The following KHDRBS2 variants were observed in gnomAD, a reference collection of about 807,000 sequenced individuals.
KHDRBS2 encodes the protein KH RNA binding domain containing, signal transduction associated 2, also known as KH domain-containing, RNA-binding, signal transduction-associated protein 2.
KHDRBS2 carries 26 observed loss-of-function variants against 44.3 expected under a neutral mutation model. The observed-to-expected ratio is 0.59, with a 90% CI of 0.43 to 0.81. KHDRBS2 has a LOEUF of 0.81. KHDRBS2 is among the 40% of genes least tolerant of loss of function. The pLI is 0.00. For missense variants in KHDRBS2, 476 were observed against 433.1 expected, an observed-to-expected ratio of 1.10 and a Z score of -0.88; for synonymous variants, 194 against 151.1, an observed-to-expected ratio of 1.28 and a Z score of -2.08.
chr6:61,863,219 T>C (rs1254081574), intron 6 of KHDRBS2, among the ~76,000 whole-genome samples: 1 of 151,386 alleles, frequency 6.6e-6, no homozygotes. Context: ...CCTTATTTTT[T>C]CAAAAAACCA....
the KHDRBS2 span, among the ~76,000 whole-genome samples, chr6:61,598,825 C>CTTTTT: frequency 1.8e-5 from 1 of 56,500 alleles, no homozygotes. Context: ...GTAGAGTGTC[C>CTTTTT]TTTTTTCTTT....
chr6:62,065,132 A>T (rs1419039091), intron 2 of KHDRBS2, among the ~76,000 whole-genome samples: 1 of 151,024 alleles, frequency 6.6e-6, no homozygotes, highest in Non-Finnish European at 1.5e-5. Context: ...GTCAGGAAAC[A>T]ACAGGTGCTG....
In KHDRBS2 at chr6:62,177,281, T is replaced by C. The variant is rs1821326280; in HGVS notation, c.123A>G (p.Lys41=). The C allele has an allele frequency of 1.2e-6, 2 of 1,601,008 alleles. No individual in the cohort carries two copies. Among genetic ancestry groups the C allele is most frequent in the Non-Finnish European group, 1.7e-6 (2 of 1,171,318 alleles). ...GATACTTCTTTTCTTCGTCTTCCTT[T>C]TTTCCATCAGAACCTTGAAACTTTT... The part of the protein sequence containing the change: ...EIEKFQGSDG[K]KEDEEKKYLD... Residue 41 remains lysine (K), a synonymous_variant, in exon 2 of 9, where the codon AAA becomes AAG. Coordinates refer to ENST00000281156, the MANE Select transcript of KHDRBS2 (RefSeq NM_152688.4).
chr6:61,653,090 A>G, the KHDRBS2 span, among the ~76,000 whole-genome samples: 3 of 152,088 alleles, frequency 2.0e-5, no homozygotes, highest in Non-Finnish European at 4.4e-5. Context: ...CATGGCATTT[A>G]CTTAATTGAT....
chr6:61,798,486 T>C (rs1785741762), intron 6 of KHDRBS2, among the ~76,000 whole-genome samples: 1 of 152,150 alleles, frequency 6.6e-6, no homozygotes, highest in African/African-American at 2.4e-5. Flanking sequence ...TAAAGAATAC[T>C]ATGGTTAGTT....
intron 2 of KHDRBS2, among the ~76,000 whole-genome samples, chr6:62,091,985 C>G (rs1241004562): frequency 6.6e-6 from 1 of 152,034 alleles, no homozygotes; most frequent in African/African-American, 2.4e-5. Context: ...GTGGATGCAC[C>G]AAGTTGGGTT....
rs111522582 is a variant in KHDRBS2 at position 61,742,560 on chromosome 6, C to A, written c.811-9796G>T. Among the ~76,000 whole-genome samples, 207 of 152,058 alleles carry A rather than the reference C, an allele frequency of 1.4e-3. 1 individual carries two copies. The highest frequency in any genetic ancestry group is 4.8e-3 in the African/African-American group (201 of 41,522). On this transcript the variant is annotated intron_variant, in intron 6 of 8. Coordinates refer to ENST00000281156, the MANE Select transcript of KHDRBS2 (RefSeq NM_152688.4). ...TCTCTGATATTGAATAGATGAACTT[C>A]TGATAAAATAAGAAATATTTTAATA... is the stretch of plus-strand genomic sequence containing the variant.
intron 1 of KHDRBS2, among the ~76,000 whole-genome samples, chr6:62,197,008 A>G (rs954844265): frequency 2.0e-4 from 31 of 152,206 alleles, no homozygotes; most frequent in African/African-American, 7.2e-4. Context: ...ACTGCAGTAT[A>G]AAAATCACAG....
At chr6:61,948,360 T>G (rs1188881005) in intron 4 of KHDRBS2, among the ~76,000 whole-genome samples, 1 of 152,136 alleles carries the variant, frequency 6.6e-6, no homozygotes, top group Non-Finnish European at 1.5e-5. Flanking sequence ...TTGAAAACGA[T>G]TTAAAATCCA....
intron 6 of KHDRBS2, among the ~76,000 whole-genome samples, chr6:61,889,487 T>TCC (rs1801480253): frequency 2.0e-5 from 3 of 151,708 alleles, no homozygotes; most frequent in Admixed American, 6.6e-5. Flanking sequence ...ATTCCTTTAC[T>TCC]CCTCTCTCTT....
chr6:62,134,165 G>GA (rs1436477951), intron 2 of KHDRBS2, among the ~76,000 whole-genome samples: 2 of 152,110 alleles, frequency 1.3e-5, no homozygotes, highest in South Asian at 2.1e-4. Flanking sequence ...GGCCTAGGAG[G>GA]AAAAAATGGT....
At chr6:61,775,214 C>T (rs1033128363) in intron 6 of KHDRBS2, among the ~76,000 whole-genome samples, 4 of 152,022 alleles carry the variant, frequency 2.6e-5, no homozygotes, top group African/African-American at 9.7e-5. Context: ...TGGAAGCATT[C>T]CCTTTGAAAA....
chr6:61,565,859 G>C, the KHDRBS2 span, among the ~76,000 whole-genome samples: 1 of 151,698 alleles, frequency 6.6e-6, no homozygotes, highest in African/African-American at 2.4e-5. Flanking sequence ...CTCACTGCTG[G>C]GTATATATCC....
chr6:62,246,102 T>TTATATATATATATATATATA (rs150717074), intron 1 of KHDRBS2, among the ~76,000 whole-genome samples: 9 of 124,350 alleles, frequency 7.2e-5, no homozygotes, highest in East Asian at 2.4e-4. Context: ...TCAATCAATT[T>TTATATATATATATATATATA]TATATATATA....
At chr6:61,981,322 A>C (rs1438784731) in intron 3 of KHDRBS2, among the ~76,000 whole-genome samples, 1 of 152,194 alleles carries the variant, frequency 6.6e-6, no homozygotes, top group Non-Finnish European at 1.5e-5. Flanking sequence ...AGAAATTATA[A>C]AACTTTTTCT....
chr6:61,905,529 C>A (rs957205311), intron 4 of KHDRBS2, among the ~76,000 whole-genome samples: 5 of 152,040 alleles, frequency 3.3e-5, no homozygotes, highest in African/African-American at 1.2e-4. Flanking sequence ...GACCTTCAGG[C>A]TTATCTTAGA....
At chr6:61,630,671 C>A in the KHDRBS2 span, among the ~76,000 whole-genome samples, 1 of 152,042 alleles carries the variant, frequency 6.6e-6, no homozygotes, top group Non-Finnish European at 1.5e-5. Context: ...GTGAGGTTTC[C>A]TAGGAGTCCT....
At chr6:61,675,968 G>T (rs1344636303), downstream of KHDRBS2, among the ~76,000 whole-genome samples, 1 of 151,760 alleles carries the variant, frequency 6.6e-6, no homozygotes, top group East Asian at 2.0e-4. Flanking sequence ...ATGCAAGTTT[G>T]TGTCACTTGC....
intron 2 of KHDRBS2, among the ~76,000 whole-genome samples, chr6:62,091,495 G>A (rs1387352960): frequency 6.6e-6 from 1 of 152,126 alleles, no homozygotes; most frequent in Non-Finnish European, 1.5e-5. Flanking sequence ...CACAGTGATT[G>A]TAGTTGTTGA....
Sources: gnomAD v4.1 joint callset for allele counts (sites outside exome capture counted in the v4.1 genomes callset) on GRCh38, gnomAD v4.1.1 for gene constraint, MANE v1.5 for transcripts, NCBI Gene and HGNC (gene_info 2026-07-23, HGNC 2026-07-21) for gene names.